The following MAGED2 variants were observed in gnomAD, a reference collection of about 807,000 sequenced individuals.
MAGED2 encodes melanoma-associated antigen D2.
MAGED2 carries 6 observed loss-of-function variants against 41.7 expected under a neutral mutation model. That is an observed-to-expected ratio of 0.14 (90% CI 0.08 to 0.28). MAGED2 has a LOEUF of 0.28. MAGED2 is among the 10% of genes least tolerant of loss of function. The pLI, the probability that MAGED2 is intolerant of heterozygous loss-of-function variation, is 1.00. For synonymous variants in MAGED2, 146 were observed against 178.2 expected (o/e 0.82, Z 1.44); for missense variants, 343 against 486.4 (o/e 0.71, Z 2.77).
At chrX:54,811,903 C>T (rs1054570863) in intron 6 of MAGED2, among the ~76,000 whole-genome samples, 1 of 111,871 alleles carries the variant, frequency 8.9e-6, no homozygotes, top group Admixed American at 9.4e-5. Flanking sequence ...CAGCTCCTGC[C>T]ATGTATTTGA....
chrX:54,808,164 A>G (rs1421651109), intron 1 of MAGED2, among the ~76,000 whole-genome samples: 2 of 110,070 alleles, frequency 1.8e-5, no homozygotes, highest in Non-Finnish European at 3.8e-5. Context: ...AACACGGAGG[A>G]GGATGTAAGA....
In MAGED2 at chrX:54,815,863, TCTTA is replaced by T. The variant is rs1929956661; in HGVS notation, c.*9-14_*9-11del. On this transcript the variant is annotated splice_polypyrimidine_tract_variant and intron_variant, in intron 12 of 12. Coordinates refer to ENST00000375068, the MANE Select transcript of MAGED2 (RefSeq NM_177433.3). ...GATGTCAATTGACCCTTTTATTTTC[TCTTA>T]CTTGTGTTTTCAGATATTGTTAATC... The T allele has an allele frequency of 2.3e-6, 1 of 431,313 alleles. No individual in the cohort carries two copies. Among genetic ancestry groups the T allele is most frequent in the Admixed American group, 4.4e-5 (1 of 22,782 alleles). The allele number at this position is 431,313 out of a possible 1,213,427, so 35.5% of individuals were successfully genotyped here.
At chrX:54,811,496 G>A in intron 5 of MAGED2, 78 bp from the exon 6 acceptor site, 1 of 947,122 alleles carries the variant, frequency 1.1e-6, no homozygotes, top group Non-Finnish European at 1.5e-6. Context: ...GGTGTGGTTG[G>A]CAAAGAGTCT....
chrX:54,808,036 A>G (rs1213135057), intron 1 of MAGED2, among the ~76,000 whole-genome samples: 1 of 104,546 alleles, frequency 9.6e-6, no homozygotes, highest in Non-Finnish European at 2.0e-5. Flanking sequence ...GAATGTTGGG[A>G]GGGGGACGAG....
intron 1 of MAGED2, chrX:54,808,221 A>C (rs1929673504): frequency 9.3e-6 from 1 of 107,294 alleles, no homozygotes; most frequent in African/African-American, 3.4e-5. Flanking sequence ...TGAGGTAGGA[A>C]TAGGGAGTAG....
intron 10 of MAGED2, chrX:54,814,451 G>A (rs754916914): frequency 1.9e-6 from 1 of 534,898 alleles, no homozygotes; most frequent in East Asian, 3.5e-5. Flanking sequence ...TCATTGTGAT[G>A]AGGGCGTCAA....
Position 54,810,920 on chromosome X carries a change from A to G in MAGED2, c.637A>G (p.Met213Val), listed in dbSNP as rs1602076251. 26 of 1,209,255 alleles carry G rather than the reference A, an allele frequency of 2.2e-5. No homozygotes were observed. The highest frequency in any genetic ancestry group is 2.9e-5 in the Non-Finnish European group (26 of 893,899). Reference protein sequence around the residue: ...RRVSKALMASMARRASRGPIA... With the variant: ...RRVSKALMASVARRASRGPIA... ...GGTCTCAAAGGCCCTAATGGCCTCA[A>G]TGGCCCGCAGGGCTTCAAGGGGTCC... The change falls in exon 4 of 13, where the codon ATG (methionine) becomes GTG (valine). Residue 213 changes from methionine (M) to valine (V), a missense_variant. Around this residue, in one of 3 missense-constraint regions of MAGED2, gnomAD observed 195 missense variants for 221.2 expected, o/e 0.88. Transcript: ENST00000375068.
In MAGED2 at chrX:54,809,970, A is replaced by G. The variant is rs1929749495; in HGVS notation, c.294A>G (p.Glu98=). 1.7e-6 allele frequency: 2 copies of G among 1,203,376 alleles called. No individual in the cohort carries two copies. Among genetic ancestry groups the G allele is most frequent in the Admixed American group, 2.2e-5 (1 of 45,126 alleles). Residue 98 remains glutamate (E), a synonymous_variant, in exon 3 of 13, where the codon GAA becomes GAG. Transcript: ENST00000375068. The stretch of plus-strand genomic sequence containing the variant: ...CTGATACCCAGGTTCTGGCAGCTGA[A>G]AACAAGAGTCTAGCAGCTGACACCA... ...QLTDTQVLAA[E]NKSLAADTKK...
In MAGED2 at chrX:54,809,805, G is replaced by A. The variant is rs140063708; in HGVS notation, c.129G>A (p.Pro43=). Residue 43 remains proline, a synonymous_variant, in exon 3 of 13, where the codon CCG becomes CCA. Transcript: ENST00000375068. ...VTQNVEVPET[P]KASKALEVSE... Reference sequence around the variant, plus strand: ...AGAATGTGGAGGTCCCAGAGACACCGAAGGCCTCAAAGGCACTGGAGGTCT... The same window carrying A: ...AGAATGTGGAGGTCCCAGAGACACCAAAGGCCTCAAAGGCACTGGAGGTCT... 22 of 1,201,801 alleles carry A rather than the reference G, an allele frequency of 1.8e-5. No individual in the cohort carries two copies. The highest frequency in any genetic ancestry group is 4.5e-6 in the Non-Finnish European group (4 of 891,076).
chrX:54,815,899 G>A lies in MAGED2; in HGVS notation c.*27G>A, dbSNP rs1320092595. 1.2e-5 allele frequency: 5 copies of A among 408,189 alleles called. No homozygotes were observed. Among genetic ancestry groups the A allele is most frequent in the East Asian group, 1.2e-4 (3 of 25,139 alleles). The allele number at this position is 408,189 out of a possible 1,213,427, so 33.6% of individuals were successfully genotyped here. On this transcript the variant is annotated 3_prime_UTR_variant, in exon 13 of 13. Coordinates refer to ENST00000375068, the MANE Select transcript of MAGED2 (RefSeq NM_177433.3). ...TTTTCAGATATTGTTAATCCTGCCA[G>A]TCTTTCTCTTCAAGCCAGGGTGCAT...
Position 54,811,323 on chromosome X carries a change from T to C in MAGED2, c.910+10T>C. ...CCCATCAAGCGCTCGGGTAAAGTCC[T>C]ACCAATCCTCCCTCTGCCCTGAGCT... On this transcript the variant is annotated intron_variant, in intron 5 of 12. Coordinates refer to ENST00000375068, the MANE Select transcript of MAGED2 (RefSeq NM_177433.3). 1 of 1,203,293 alleles carries C rather than the reference T, an allele frequency of 8.3e-7. No individual in the cohort carries two copies. Among genetic ancestry groups the C allele is most frequent in the Non-Finnish European group, 1.1e-6 (1 of 887,390 alleles).
Position 54,815,401 on chromosome X carries a change from G to A in MAGED2, c.1540G>A (p.Gly514Arg). Reference sequence around the variant, plus strand: ...TGGGCTCGGCTCGGAGAATGCTGCCGGGCCCTGCAACTGGGACGAAGCTGA... The same window carrying A: ...TGGGCTCGGCTCGGAGAATGCTGCCAGGCCCTGCAACTGGGACGAAGCTGA... Reference protein sequence around the residue: ...GIGLGSENAAGPCNWDEADIG... With the variant: ...GIGLGSENAARPCNWDEADIG... Residue 514 changes from glycine (G) to arginine (R), a missense_variant, in exon 12 of 13, where the codon GGG becomes AGG. Coordinates refer to ENST00000375068, the MANE Select transcript of MAGED2 (RefSeq NM_177433.3). 1.7e-6 allele frequency: 2 copies of A among 1,209,576 alleles called. No homozygotes were observed. Among genetic ancestry groups the A allele is most frequent in the Non-Finnish European group, 2.2e-6 (2 of 894,086 alleles).
At chrX:54,810,560 A>G (rs1299063324) in intron 3 of MAGED2, among the ~76,000 whole-genome samples, 1 of 111,809 alleles carries the variant, frequency 8.9e-6, no homozygotes, top group East Asian at 2.8e-4. Context: ...GGATGGTTCA[A>G]GCAGAGCCAG....
rs1929866242 is a variant in MAGED2 at position 54,813,433 on chromosome X, G to A, written c.1209-55G>A. 6 of 1,066,720 alleles carry A rather than the reference G, an allele frequency of 5.6e-6. No homozygotes were observed. The East Asian group carries it at 1.8e-4, about 32-fold the overall frequency. The allele number at this position is 1,066,720 out of a possible 1,213,427, so 87.9% of individuals were successfully genotyped here. A position where few individuals can be genotyped will look rare whatever the true frequency, so the allele number is the denominator to read the frequency against. On this transcript the variant is annotated intron_variant, in intron 9 of 12. Coordinates refer to ENST00000375068, the MANE Select transcript of MAGED2 (RefSeq NM_177433.3). ...ATGCCTCTGCCCACATCTGGGAAGT[G>A]CCATAGCCTTGAGTGAATTTATTTG...
At position 54,815,845 on chromosome X, in the gene MAGED2, A is replaced by G. The variant is rs183444582; in HGVS notation, c.*9-36A>G. ...ATTCCTTTCTGTTTGCTGGATGTCA[A>G]TTGACCCTTTTATTTTCTCTTACTT... On this transcript the variant is annotated intron_variant, in intron 12 of 12. Coordinates refer to ENST00000375068, the MANE Select transcript of MAGED2 (RefSeq NM_177433.3). The G allele has an allele frequency of 2.2e-3, 944 of 435,062 alleles. 7 individuals carry two copies. Among genetic ancestry groups the G allele is most frequent in the African/African-American group, 0.018 (709 of 40,378 alleles). 35.9% of individuals were successfully genotyped at this position (435,062 alleles called of 1,213,427 possible).
At chrX:54,813,603 A>T in intron 10 of MAGED2, 53 bp downstream of exon 10, 1 of 1,026,060 alleles carries the variant, frequency 9.7e-7, no homozygotes. Flanking sequence ...CCTATTTCAG[A>T]ACTGAGTGAT....
intron 2 of MAGED2, 136 bp from the exon 3 acceptor site, chrX:54,809,586 T>A: frequency 2.6e-5 from 27 of 1,053,824 alleles, no homozygotes; most frequent in Non-Finnish European, 3.2e-5. Context: ...GGAGGCCTTG[T>A]TGGGCTGAGG....
At chrX:54,808,897 T>G (rs1261071266) in intron 1 of MAGED2, among the ~76,000 whole-genome samples, 2 of 111,362 alleles carry the variant, frequency 1.8e-5, no homozygotes, top group African/African-American at 6.5e-5. Flanking sequence ...GAAAGGGGCG[T>G]GTTGAGAAGG....
rs910530368 is a variant in MAGED2, at chrX:54,815,379, G to A, written c.1518G>A (p.Gly506=). 1 of 1,208,759 alleles carries A rather than the reference G, an allele frequency of 8.3e-7. No homozygotes were observed. Among genetic ancestry groups the A allele is most frequent in the African/African-American group, 1.7e-5 (1 of 57,427 alleles). The change falls in exon 12 of 13, where the codon GGG becomes GGA. Residue 506 remains glycine, a synonymous_variant. Coordinates refer to ENST00000375068, the MANE Select transcript of MAGED2 (RefSeq NM_177433.3). ...RAEIRARMGI[G]LGSENAAGPC... ...AGATTAGAGCTCGAATGGGCATTGG[G>A]CTCGGCTCGGAGAATGCTGCCGGGC...
Sources: gnomAD v4.1 joint callset for allele counts (sites outside exome capture counted in the v4.1 genomes callset) on GRCh38, gnomAD v4.1.1 for gene constraint, gnomAD v4.1.1 regional missense constraint, MANE v1.5 for transcripts, NCBI Gene and HGNC (gene_info 2026-07-23, HGNC 2026-07-21) for gene names.